The following EZR variants were observed in gnomAD, a reference collection of about 807,000 sequenced individuals.
The protein encoded by EZR is ezrin.
In EZR, 40 loss-of-function variants were observed where a neutral mutation model predicts 74.8. The ratio of observed to expected loss-of-function variants is 0.53; its 90% confidence interval spans 0.42 to 0.70. EZR has a LOEUF of 0.70. EZR is among the 30% of genes least tolerant of loss of function. EZR has a pLI of 0.00. For missense variants in EZR, 678 were observed against 755.8 expected, an observed-to-expected ratio of 0.90 and a Z score of 1.21; for synonymous variants, 341 against 283.3, an observed-to-expected ratio of 1.20 and a Z score of -2.05.
chr6:158,777,403 C>T (rs1266435181), intron 7 of EZR, among the ~76,000 whole-genome samples: 1 of 152,270 alleles, frequency 6.6e-6, no homozygotes, highest in African/African-American at 2.4e-5. Context: ...AATGCCATGA[C>T]TGGCCAGACT....
Position 158,773,435 on chromosome 6 carries a change from C to T in EZR, c.796-2028G>A, listed in dbSNP as rs73020299. Among the ~76,000 whole-genome samples the T allele has an allele frequency of 4.2e-3, 643 of 152,308 alleles. 1 individual carries two copies. Among genetic ancestry groups the T allele is most frequent in the Non-Finnish European group, 6.8e-3 (461 of 68,024 alleles). ...TACTGAAATGTTTCTAAATCCAAGT[C>T]CCTAACCTGATGCAGGATGCAGCTT... On this transcript the variant is annotated intron_variant, in intron 8 of 13. Coordinates refer to ENST00000367075, the MANE Select transcript of EZR (RefSeq NM_001111077.2).
intron 7 of EZR, among the ~76,000 whole-genome samples, chr6:158,781,295 G>T (rs946396559): frequency 6.6e-6 from 1 of 152,294 alleles, no homozygotes; most frequent in Non-Finnish European, 1.5e-5. Context: ...GAAGAGAGGG[G>T]TGTGCCTTCA....
At chr6:158,776,552 T>C in intron 7 of EZR, 48 bp from the exon 8 acceptor site, 1 of 1,345,680 alleles carries the variant, frequency 7.4e-7, no homozygotes, top group Non-Finnish European at 1.0e-6. Context: ...ACATATGTTC[T>C]TGGATTGGCT....
rs755633907 is a variant in EZR at position 158,766,980 on chromosome 6, G to A, written c.1695C>T (p.Tyr565=). 4 of 1,614,046 alleles carry A rather than the reference G, an allele frequency of 2.5e-6. No homozygotes were observed. In the Admixed American group the frequency reaches 5.0e-5, roughly 20 times the overall value. The change falls in exon 14 of 14, where the codon TAC becomes TAT. Residue 565 remains tyrosine, a synonymous_variant. Transcript: ENST00000367075. ...CCTGCCGGATCTGCCGCAGCGTCTT[G>A]TACTTGTCCCGGCCTTGCCTCATGT... The part of the protein sequence containing the change: ...NENMRQGRDK[Y]KTLRQIRQGN...
chr6:158,816,426 T>C (rs1221842472), intron 2 of EZR, among the ~76,000 whole-genome samples: 3 of 152,190 alleles, frequency 2.0e-5, no homozygotes, highest in Non-Finnish European at 4.4e-5. Context: ...TTTTCCTGAG[T>C]GCTATCTTAG....
intron 8 of EZR, among the ~76,000 whole-genome samples, chr6:158,774,701 A>ACACACACACACG: frequency 8.7e-6 from 1 of 114,866 alleles, no homozygotes; most frequent in East Asian, 2.1e-4. Flanking sequence ...ACACACACAC[A>ACACACACACACG]CACACACACA....
chr6:158,767,595 T>G (rs954566398), intron 12 of EZR, 83 bp from the exon 13 acceptor site: 22 of 1,424,738 alleles, frequency 1.5e-5, no homozygotes, highest in Admixed American at 4.4e-5. Context: ...CACCTCCCTC[T>G]GTCCTGGCAG....
chr6:158,783,303 C>T (rs1270158930), intron 7 of EZR, among the ~76,000 whole-genome samples: 1 of 150,842 alleles, frequency 6.6e-6, no homozygotes, highest in African/African-American at 2.4e-5. Context: ...ACTGAGCCCA[C>T]TATCGGCCCC....
At chr6:158,771,499 A>G (rs1430882619) in intron 8 of EZR, 92 bp from the exon 9 acceptor site, 7 of 1,367,984 alleles carry the variant, frequency 5.1e-6, no homozygotes, top group Non-Finnish European at 6.9e-6. Flanking sequence ...AACTTTTCTA[A>G]AAGAACAAAT....
In EZR at chr6:158,786,995, CACAA is replaced by C. The variant is rs1183258096; in HGVS notation, c.192+109_192+112del. ...ACCTTTTTGTCTGTAAAAACTTTTA[CACAA>C]ACAAAAAGGAACAGAAAACAAAAGA... is the stretch of plus-strand genomic sequence containing the variant. On this transcript the variant is annotated intron_variant, in intron 4 of 13. Transcript: ENST00000367075. The C allele has an allele frequency of 8.3e-6, 7 of 838,860 alleles. No individual in the cohort carries two copies. In the African/African-American group the frequency reaches 1.2e-4, roughly 14 times the overall value. The allele number at this position is 838,860 out of a possible 1,614,324, so 52.0% of individuals were successfully genotyped here.
intron 2 of EZR, among the ~76,000 whole-genome samples, chr6:158,799,844 T>C (rs980290963): frequency 6.6e-6 from 1 of 152,256 alleles, no homozygotes; most frequent in African/African-American, 2.4e-5. Context: ...CAGCCTTTTT[T>C]GGAGTGTCAC....
intron 2 of EZR, among the ~76,000 whole-genome samples, chr6:158,804,036 T>G (rs1384592256): frequency 6.6e-6 from 1 of 152,124 alleles, no homozygotes; most frequent in Non-Finnish European, 1.5e-5. Context: ...GACAATGAAA[T>G]GACTGCTAGT....
At chr6:158,798,484 C>T (rs1777119917) in intron 2 of EZR, among the ~76,000 whole-genome samples, 1 of 152,340 alleles carries the variant, frequency 6.6e-6, no homozygotes, top group South Asian at 2.1e-4. Context: ...TCATGCATGG[C>T]CATGCTGCAC....
intron 2 of EZR, among the ~76,000 whole-genome samples, chr6:158,798,247 C>G (rs551307474): frequency 9.5e-4 from 102 of 107,582 alleles, no homozygotes; most frequent in Middle Eastern, 8.7e-3. Flanking sequence ...TTAACTTGCT[C>G]CTTGTTGCTT....
At chr6:158,797,251 C>T (rs1777093509) in intron 2 of EZR, among the ~76,000 whole-genome samples, 1 of 152,044 alleles carries the variant, frequency 6.6e-6, no homozygotes, top group Non-Finnish European at 1.5e-5. Context: ...GAGTCTTAGA[C>T]AAAAGAACCA....
At chr6:158,788,165 A>G (rs1215305612) in intron 3 of EZR, 3 of 152,216 alleles carry the variant, frequency 2.0e-5, no homozygotes, top group African/African-American at 4.8e-5. Context: ...AGAAATGACA[A>G]CTCAGGTATA....
intron 2 of EZR, among the ~76,000 whole-genome samples, chr6:158,806,480 C>A (rs903431212): frequency 1.4e-5 from 2 of 141,226 alleles, no homozygotes; most frequent in Non-Finnish European, 3.1e-5. Context: ...ACCACTTTCA[C>A]TTTTTTTTTT....
At chr6:158,778,368 C>A (rs531497918) in intron 7 of EZR, among the ~76,000 whole-genome samples, 1 of 152,202 alleles carries the variant, frequency 6.6e-6, no homozygotes, top group African/African-American at 2.4e-5. Flanking sequence ...ACTTTGAAAC[C>A]TCATATAACA....
In EZR at chr6:158,766,028, A is replaced by T. The variant is rs1399043359; in HGVS notation, c.*886T>A. 1 of 152,672 alleles carries T rather than the reference A, an allele frequency of 6.5e-6. No homozygotes were observed. Among genetic ancestry groups the T allele is most frequent in the Non-Finnish European group, 1.5e-5 (1 of 68,050 alleles). The allele number at this position is 152,672 out of a possible 1,614,324, so 9.5% of individuals were successfully genotyped here. On this transcript the variant is annotated 3_prime_UTR_variant, in exon 14 of 14. Transcript: ENST00000367075. ...AGTGTGCATAGTCCATTACATGCAT[A>T]AAACACTAATAATAATCCTGTTTAC...
Sources: gnomAD v4.1 joint callset for allele counts (sites outside exome capture counted in the v4.1 genomes callset) on GRCh38, gnomAD v4.1.1 for gene constraint, MANE v1.5 for transcripts, NCBI Gene and HGNC (gene_info 2026-07-23, HGNC 2026-07-21) for gene names.